The following WDPCP variants were observed in gnomAD, a reference collection of about 807,000 sequenced individuals.
WDPCP encodes WD repeat-containing and planar cell polarity effector protein fritz homolog.
WDPCP carries 71 observed loss-of-function variants against 93.1 expected under a neutral mutation model. That is an observed-to-expected ratio of 0.76 (90% CI 0.63 to 0.93). The LOEUF is 0.93. WDPCP is among the 40% of genes least tolerant of loss of function. WDPCP has a pLI of 0.00. For synonymous variants in WDPCP, 315 were observed against 315.0 expected (o/e 1.00, Z 0.00); for missense variants, 844 against 887.4 (o/e 0.95, Z 0.62).
chr2:63,188,294 C>T lies in WDPCP; in HGVS notation c.1916-13462G>A, dbSNP rs78607878. Among the ~76,000 whole-genome samples the T allele has an allele frequency of 2.8e-4, 43 of 152,190 alleles. No individual in the cohort carries two copies. In the East Asian group the frequency reaches 6.6e-3, roughly 23 times the overall value. On this transcript the variant is annotated intron_variant, in intron 14 of 17. Coordinates refer to ENST00000272321, the MANE Select transcript of WDPCP (RefSeq NM_015910.7). Reference sequence around the variant, plus strand: ...GCTCTTTGTCCCTTTCTCTTTCTTTCCTCCTTTTGAGACTCCTATACTACA... The same window carrying T: ...GCTCTTTGTCCCTTTCTCTTTCTTTTCTCCTTTTGAGACTCCTATACTACA...
chr2:63,605,545 C>A, intron 3 of WDPCP: 1 of 639,966 alleles, frequency 1.6e-6, no homozygotes, highest in Non-Finnish European at 2.8e-6. Flanking sequence ...GGTTTGTTAG[C>A]CTTGACCTTT....
intron 2 of WDPCP, among the ~76,000 whole-genome samples, chr2:63,754,802 T>G (rs1284569222): frequency 6.6e-6 from 1 of 152,256 alleles, no homozygotes; most frequent in Non-Finnish European, 1.5e-5. Flanking sequence ...TATCTGCTGC[T>G]GCATAACAAA....
chr2:63,138,529 G>T (rs1396423020), intron 17 of WDPCP, among the ~76,000 whole-genome samples: 3 of 148,354 alleles, frequency 2.0e-5, no homozygotes, highest in Admixed American at 6.8e-5. Flanking sequence ...TCGGCTCACT[G>T]CAGGCTCCGC....
At chr2:63,455,913 A>G (rs955964540) in intron 6 of WDPCP, among the ~76,000 whole-genome samples, 2 of 152,226 alleles carry the variant, frequency 1.3e-5, no homozygotes, top group African/African-American at 4.8e-5. Flanking sequence ...CTCCAGGATT[A>G]GACATGTTAG....
At chr2:63,679,309 C>T (rs1206304024) in intron 2 of WDPCP, among the ~76,000 whole-genome samples, 1 of 152,126 alleles carries the variant, frequency 6.6e-6, no homozygotes, top group African/African-American at 2.4e-5. Flanking sequence ...TGGAATTAAT[C>T]TGTCTTCTAC....
chr2:63,156,226 C>T (rs1672241094), intron 15 of WDPCP, among the ~76,000 whole-genome samples: 1 of 151,572 alleles, frequency 6.6e-6, no homozygotes, highest in South Asian at 2.1e-4. Context: ...TGGTCTCGAA[C>T]TCCTGACCTC....
chr2:63,233,931 C>A (rs538577828), intron 14 of WDPCP, among the ~76,000 whole-genome samples: 22 of 152,202 alleles, frequency 1.4e-4, no homozygotes, highest in Non-Finnish European at 2.5e-4. Context: ...CCAACCTACC[C>A]AGTATTCCAT....
intron 1 of WDPCP, among the ~76,000 whole-genome samples, chr2:63,523,773 T>C (rs1009439019): frequency 2.1e-4 from 30 of 144,980 alleles, no homozygotes; most frequent in African/African-American, 7.1e-4. Flanking sequence ...TCGCTGGGCA[T>C]GGTGGCACAT....
chr2:63,522,739 C>A (rs1482465710), intron 1 of WDPCP, among the ~76,000 whole-genome samples: 12 of 152,108 alleles, frequency 7.9e-5, no homozygotes, highest in Non-Finnish European at 2.9e-5. Context: ...TGAGAACATA[C>A]AACCTCCCAA....
chr2:63,283,433 C>T (rs1030280217), intron 13 of WDPCP, among the ~76,000 whole-genome samples: 12 of 152,100 alleles, frequency 7.9e-5, no homozygotes, highest in Admixed American at 6.6e-4. Flanking sequence ...GTTGATAAAG[C>T]GCAGCCTGTG....
At chr2:63,324,842 T>C (rs1014378767) in intron 12 of WDPCP, among the ~76,000 whole-genome samples, 2 of 152,088 alleles carry the variant, frequency 1.3e-5, no homozygotes, top group Non-Finnish European at 2.9e-5. Context: ...TAAGGAGAAT[T>C]AGGAAAAAGC....
intron 12 of WDPCP, among the ~76,000 whole-genome samples, chr2:63,333,358 A>G (rs1397160166): frequency 6.6e-6 from 1 of 152,256 alleles, no homozygotes; most frequent in Non-Finnish European, 1.5e-5. Flanking sequence ...CTTGTGGGAA[A>G]AATTCACATT....
chr2:63,734,790 T>C (rs552183669), intron 2 of WDPCP, among the ~76,000 whole-genome samples: 1 of 152,362 alleles, frequency 6.6e-6, no homozygotes, highest in East Asian at 1.9e-4. Context: ...TTATTTTTTT[T>C]CTTAGTTTTC....
intron 1 of WDPCP, among the ~76,000 whole-genome samples, chr2:63,526,324 G>C (rs1018992113): frequency 6.6e-6 from 1 of 151,974 alleles, no homozygotes; most frequent in Non-Finnish European, 1.5e-5. Flanking sequence ...GCACTATTTC[G>C]TGTTGTCCAA....
At chr2:63,526,224 G>A (rs1392830254) in intron 1 of WDPCP, among the ~76,000 whole-genome samples, 1 of 152,112 alleles carries the variant, frequency 6.6e-6, no homozygotes, top group Non-Finnish European at 1.5e-5. Flanking sequence ...CTACTTTCAC[G>A]TACAGTTGTT....
intron 2 of WDPCP, among the ~76,000 whole-genome samples, chr2:63,760,067 T>G (rs533193431): frequency 2.6e-4 from 39 of 152,316 alleles, no homozygotes; most frequent in Admixed American, 5.2e-4. Flanking sequence ...GGGAAGGTGG[T>G]GGGAGGCAGG....
upstream of WDPCP, chr2:63,589,999 G>C (rs1157958507): frequency 6.5e-6 from 1 of 153,930 alleles, no homozygotes; most frequent in East Asian, 1.9e-4. Flanking sequence ...AAATTTCCCA[G>C]AACCTGAAAA....
chr2:63,704,259 A>G (rs1488271139), intron 2 of WDPCP, among the ~76,000 whole-genome samples: 2 of 152,156 alleles, frequency 1.3e-5, no homozygotes, highest in Non-Finnish European at 2.9e-5. Flanking sequence ...GGACAATTTG[A>G]CTTCCTCTTT....
intron 2 of WDPCP, among the ~76,000 whole-genome samples, chr2:63,743,563 G>A (rs916956297): frequency 2.6e-5 from 4 of 152,094 alleles, no homozygotes; most frequent in Non-Finnish European, 5.9e-5. Context: ...TTGGCATTAT[G>A]TAGACTTCTC....
Sources: allele counts gnomAD v4.1 joint callset (sites outside exome capture counted in the v4.1 genomes callset), GRCh38; gene constraint gnomAD v4.1.1; transcripts MANE v1.5; gene names NCBI Gene and HGNC (gene_info 2026-07-23, HGNC 2026-07-21).